Variants in PDCL2 observed in about 807,000 individuals in gnomAD.
PDCL2 encodes phosducin like 2, also known as phosducin-like protein 2.
A neutral mutation model predicts 30.3 loss-of-function variants in PDCL2; 23 were observed. The observed-to-expected ratio is 0.76, with a 90% CI of 0.55 to 1.08. The LOEUF is 1.08. Among genes scored for constraint, PDCL2 ranks in the 50% least tolerant of loss-of-function variants. The pLI is 0.00. For missense variants in PDCL2, 243 were observed against 282.3 expected (o/e 0.86, Z 1.00); for synonymous variants, 68 against 86.2 (o/e 0.79, Z 1.17).
chr4:55,573,104 G>A (rs763692826), intron 3 of PDCL2, among the ~76,000 whole-genome samples: 34 of 152,022 alleles, frequency 2.2e-4, no homozygotes, highest in Non-Finnish European at 3.2e-4. Flanking sequence ...TCAAATCCCC[G>A]GTGAAATGTC....
rs1733023078 is a variant in PDCL2 at position 55,592,193 on chromosome 4, G to C, written c.-84C>G. On this transcript the variant is annotated 5_prime_UTR_variant, in exon 1 of 6. Coordinates refer to ENST00000295645, the MANE Select transcript of PDCL2 (RefSeq NM_152401.3). Reference sequence around the variant, plus strand: ...GATGGAGACCCGCAGCCTTCTCCAGGCTGGAAGAGCGCCCGCTTCAGGCCC... The same window carrying C: ...GATGGAGACCCGCAGCCTTCTCCAGCCTGGAAGAGCGCCCGCTTCAGGCCC... 2 of 1,566,162 alleles carry C rather than the reference G, an allele frequency of 1.3e-6. No homozygotes were observed. The highest frequency in any genetic ancestry group is 1.7e-6 in the Non-Finnish European group (2 of 1,154,672).
intron 3 of PDCL2, among the ~76,000 whole-genome samples, chr4:55,572,919 C>A (rs1250673183): frequency 6.6e-6 from 1 of 152,106 alleles, no homozygotes; most frequent in Non-Finnish European, 1.5e-5. Context: ...GCCATCACAA[C>A]AGGCTAATTT....
chr4:55,573,577 C>T (rs755372817), intron 3 of PDCL2, among the ~76,000 whole-genome samples: 1 of 152,072 alleles, frequency 6.6e-6, no homozygotes, highest in Non-Finnish European at 1.5e-5. Context: ...TGGTGAAATG[C>T]TGTCTCTACC....
chr4:55,592,157 G>A lies in PDCL2; in HGVS notation c.-48C>T, dbSNP rs1733021571. The stretch of plus-strand genomic sequence containing the variant: ...GAGCCCGCGTCGTCCTGCAGCTGGC[G>A]AGGCGCCACGGATGGAGACCCGCAG... On this transcript the variant is annotated 5_prime_UTR_variant, in exon 1 of 6. Coordinates refer to ENST00000295645, the MANE Select transcript of PDCL2 (RefSeq NM_152401.3). 2 of 1,602,082 alleles carry A rather than the reference G, an allele frequency of 1.2e-6. No homozygotes were observed. Among genetic ancestry groups the A allele is most frequent in the African/African-American group, 2.7e-5 (2 of 74,610 alleles).
intron 4 of PDCL2, among the ~76,000 whole-genome samples, chr4:55,563,727 G>A (rs1440756398): frequency 1.3e-5 from 2 of 152,192 alleles, no homozygotes; most frequent in African/African-American, 4.8e-5. Flanking sequence ...CAGAAAGAAT[G>A]GAGGCTCTGG....
At chr4:55,565,584 G>C (rs779706615) in intron 4 of PDCL2, among the ~76,000 whole-genome samples, 5 of 152,036 alleles carry the variant, frequency 3.3e-5, no homozygotes, top group Non-Finnish European at 5.9e-5. Flanking sequence ...ATTACCTCCC[G>C]CCATGTCCCT....
intron 4 of PDCL2, among the ~76,000 whole-genome samples, chr4:55,568,460 A>G (rs1349096009): frequency 6.6e-6 from 1 of 152,236 alleles, no homozygotes; most frequent in Non-Finnish European, 1.5e-5. Flanking sequence ...AATGTGCTGC[A>G]TAATTCTTGA....
chr4:55,565,387 T>C (rs1199759357), intron 4 of PDCL2, among the ~76,000 whole-genome samples: 1 of 152,130 alleles, frequency 6.6e-6, no homozygotes, highest in East Asian at 1.9e-4. Context: ...CAGTTCAGTA[T>C]GGCTGGGGAG....
At chr4:55,576,783 T>C (rs996809245) in intron 3 of PDCL2, among the ~76,000 whole-genome samples, 8 of 152,248 alleles carry the variant, frequency 5.3e-5, no homozygotes, top group African/African-American at 1.7e-4. Flanking sequence ...AAGCAACTCC[T>C]TTCTTAACAG....
Position 55,558,125 on chromosome 4 carries a change from C to CAA in PDCL2, c.572-1416_572-1415dup, listed in dbSNP as rs34621105. On this transcript the variant is annotated intron_variant, in intron 5 of 5. Transcript: ENST00000295645. ...TGGGCAACAGTGCAAGACTCCGTCT[C>CAA]AAAAAAAAAAAAAAAAGAATGAAGT... Among the ~76,000 whole-genome samples, 151 of 122,022 alleles carry CAA rather than the reference C, an allele frequency of 1.2e-3. 1 individual carries two copies. Among genetic ancestry groups the CAA allele is most frequent in the Admixed American group, 2.8e-3 (34 of 11,958 alleles). 80.1% of individuals were successfully genotyped at this position (122,022 alleles called of 152,430 possible).
At chr4:55,574,110 T>C in intron 3 of PDCL2, among the ~76,000 whole-genome samples, 1 of 152,208 alleles carries the variant, frequency 6.6e-6, no homozygotes, top group East Asian at 1.9e-4. Flanking sequence ...GCAAGATAAG[T>C]ACAGAATTTC....
At chr4:55,570,464 C>T (rs1732392616) in intron 3 of PDCL2, among the ~76,000 whole-genome samples, 1 of 152,180 alleles carries the variant, frequency 6.6e-6, no homozygotes, top group South Asian at 2.1e-4. Context: ...GCTCAGACTA[C>T]ACTGGGTTTA....
intron 5 of PDCL2, among the ~76,000 whole-genome samples, chr4:55,559,618 T>TAGA (rs1732073233): frequency 6.6e-6 from 1 of 152,184 alleles, no homozygotes; most frequent in Admixed American, 6.5e-5. Flanking sequence ...AAATTAAAAA[T>TAGA]AGAATTACCA....
chr4:55,573,925 C>T (rs919656643), intron 3 of PDCL2, among the ~76,000 whole-genome samples: 3 of 151,056 alleles, frequency 2.0e-5, no homozygotes, highest in Non-Finnish European at 3.0e-5. Flanking sequence ...GACAGAGTCT[C>T]GCTCTGTCAC....
chr4:55,582,886 T>G (rs1732764488), intron 1 of PDCL2, among the ~76,000 whole-genome samples: 1 of 152,160 alleles, frequency 6.6e-6, no homozygotes, highest in Non-Finnish European at 1.5e-5. Flanking sequence ...GACAGTTTGC[T>G]GAGAATGATG....
intron 1 of PDCL2, among the ~76,000 whole-genome samples, chr4:55,590,459 CAAAA>C (rs60866606): frequency 1.0e-5 from 1 of 95,750 alleles, no homozygotes; most frequent in East Asian, 3.4e-4. Context: ...ATCCTGTCTC[CAAAA>C]AAAAAAAAAA....
At chr4:55,590,003 C>T (rs1732957332) in intron 1 of PDCL2, among the ~76,000 whole-genome samples, 1 of 151,610 alleles carries the variant, frequency 6.6e-6, no homozygotes, top group Non-Finnish European at 1.5e-5. Context: ...CCAAGACCAG[C>T]CTGGCCAACA....
At chr4:55,562,334 C>T (rs548469294) in intron 5 of PDCL2, 70 bp downstream of exon 5, 224 of 1,085,110 alleles carry the variant, frequency 2.1e-4, no homozygotes, top group Non-Finnish European at 2.7e-4. Context: ...AGGAAGTAAG[C>T]TTTCAGGATG....
chr4:55,576,739 T>A (rs2110162495), intron 3 of PDCL2, among the ~76,000 whole-genome samples: 1 of 152,228 alleles, frequency 6.6e-6, no homozygotes, highest in East Asian at 1.9e-4. Context: ...AAACAAAAAT[T>A]ATGTAAGAAA....
Sources: allele counts gnomAD v4.1 joint callset (sites outside exome capture counted in the v4.1 genomes callset), GRCh38; gene constraint gnomAD v4.1.1; transcripts MANE v1.5; gene names NCBI Gene and HGNC (gene_info 2026-07-23, HGNC 2026-07-21).